SNAP47: variants seen among roughly 807,000 people sequenced by gnomAD.
The protein encoded by SNAP47 is synaptosomal-associated protein 47.
In SNAP47, 20 loss-of-function variants were observed where a neutral mutation model predicts 31.4. That is an observed-to-expected ratio of 0.64 (90% CI 0.45 to 0.93). SNAP47 has a LOEUF of 0.93. Ranked by LOEUF, SNAP47 falls within the 40% of genes least tolerant of loss-of-function variation. The pLI is 0.00. For missense variants in SNAP47, 492 were observed against 528.5 expected, an observed-to-expected ratio of 0.93 and a Z score of 0.68; for synonymous variants, 194 against 213.4, an observed-to-expected ratio of 0.91 and a Z score of 0.79.
chr1:227,731,320 CCTAGA>C (rs1660631151), upstream of SNAP47: 1 of 152,368 alleles, frequency 6.6e-6, no homozygotes, highest in Admixed American at 6.5e-5. Flanking sequence ...GGGCTTCCAT[CCTAGA>C]CAAGTGCCAG....
Position 227,748,147 on chromosome 1 carries a change from G to A in SNAP47, c.411G>A (p.Ala137=), listed in dbSNP as rs377621559. The A allele has an allele frequency of 6.8e-6, 11 of 1,613,794 alleles. No homozygotes were observed. The highest frequency in any genetic ancestry group is 1.7e-4 in the Middle Eastern group (1 of 6,036). ...AGSQKRLEDT[A]RVLHHQGQQL... Reference sequence around the variant, plus strand: ...CCCAGAAACGCCTGGAGGACACGGCGAGGGTCCTGCACCACCAGGGCCAGC... The same window carrying A: ...CCCAGAAACGCCTGGAGGACACGGCAAGGGTCCTGCACCACCAGGGCCAGC... The change falls in exon 2 of 5, where the codon GCG becomes GCA. Residue 137 remains alanine, a synonymous_variant. Coordinates refer to ENST00000617596, the MANE Select transcript of SNAP47 (RefSeq NM_053052.4).
rs1664402334 is a variant in SNAP47, at chr1:227,780,523, C to T, written c.1114-4C>T. The T allele has an allele frequency of 6.2e-7, 1 of 1,613,906 alleles. No individual in the cohort carries two copies. The highest frequency in any genetic ancestry group is 8.5e-7 in the Non-Finnish European group (1 of 1,180,024). ...CTCTGCTGTGATCTTGTGCTTCTCC[C>T]CAGATCCTGAGGAGGATGAAGGGGC... On this transcript the variant is annotated splice_region_variant and splice_polypyrimidine_tract_variant and intron_variant, in intron 4 of 4. Coordinates refer to ENST00000617596, the MANE Select transcript of SNAP47 (RefSeq NM_053052.4).
chr1:227,768,354 T>A, intron 4 of SNAP47: 1 of 985,296 alleles, frequency 1.0e-6, no homozygotes, highest in Non-Finnish European at 1.2e-6. Context: ...CCTGAGCCTC[T>A]GAGTCGGCAG....
upstream of SNAP47, chr1:227,733,096 G>A (rs112034544): frequency 5.8e-5 from 90 of 1,549,660 alleles, no homozygotes; most frequent in African/African-American, 8.8e-4. Context: ...CACATCTCCT[G>A]CGCCAGGAAC....
At chr1:227,779,146 A>G (rs1359111902) in intron 4 of SNAP47, among the ~76,000 whole-genome samples, 1 of 152,046 alleles carries the variant, frequency 6.6e-6, no homozygotes, top group Non-Finnish European at 1.5e-5. Context: ...CGCATTTGTG[A>G]TCTCATGTGA....
upstream of SNAP47, chr1:227,732,696 C>A (rs1391265882): frequency 1.5e-5 from 24 of 1,610,048 alleles, no homozygotes; most frequent in Admixed American, 2.0e-4. Context: ...GGGAAGAGGC[C>A]AGTGAGCTAA....
At chr1:227,734,829 GCA>G (rs763430067), upstream of SNAP47, 49 of 1,613,190 alleles carry the variant, frequency 3.0e-5, no homozygotes, top group Non-Finnish European at 4.0e-5. Flanking sequence ...GAAATGAAAG[GCA>G]CGGTCCATGC....
At position 227,763,792 on chromosome 1, in the gene SNAP47, C is replaced by T. The variant is rs1387575709; in HGVS notation, c.989-3167C>T. On this transcript the variant is annotated intron_variant, in intron 3 of 4. Coordinates refer to ENST00000617596, the MANE Select transcript of SNAP47 (RefSeq NM_053052.4). This position sits in a 1 kb window ranked among gnomAD's most constrained non-coding sequence, Gnocchi z 4.2. ...CCACTAGGCCCAGCAGAGGCCTTTC[C>T]TGGGTGACAGGTGAGTGTTGGAGGC... Among the ~76,000 whole-genome samples the T allele has an allele frequency of 2.6e-5, 4 of 152,202 alleles. No individual in the cohort carries two copies. The highest frequency in any genetic ancestry group is 2.6e-4 in the Admixed American group (4 of 15,274).
At chr1:227,732,958 G>T (rs765975069), upstream of SNAP47, 17 of 1,613,350 alleles carry the variant, frequency 1.1e-5, no homozygotes, top group Middle Eastern at 1.7e-4. Context: ...AGCTCCTGCT[G>T]CAAGAAGCGC....
upstream of SNAP47, chr1:227,733,044 G>T: frequency 6.2e-7 from 1 of 1,613,016 alleles, no homozygotes; most frequent in Non-Finnish European, 8.5e-7. Context: ...GGGGCACAGT[G>T]CAGGCAGGCC....
At chr1:227,728,353 G>T (rs548511207), upstream of SNAP47, among the ~76,000 whole-genome samples, 1 of 152,256 alleles carries the variant, frequency 6.6e-6, no homozygotes, top group South Asian at 2.1e-4. Context: ...CGGAGCGGGG[G>T]GGGCGGGCCC....
At chr1:227,770,288 C>T (rs528533137) in intron 4 of SNAP47, among the ~76,000 whole-genome samples, 4 of 152,276 alleles carry the variant, frequency 2.6e-5, no homozygotes, top group South Asian at 2.1e-4. Context: ...GGTGCTGGGA[C>T]GGGGGTGAGA....
chr1:227,763,493 C>T lies in SNAP47; in HGVS notation c.989-3466C>T, dbSNP rs2102965634. 6.6e-6 allele frequency among the ~76,000 whole-genome samples: 1 copy of T among 152,296 alleles called. No homozygotes were observed. Reference sequence around the variant, plus strand: ...AGAGCATTGGGGTGGCTGAGGTTGTCTCTGCAGTTCGTTAGTGCCAGGCGT... The same window carrying T: ...AGAGCATTGGGGTGGCTGAGGTTGTTTCTGCAGTTCGTTAGTGCCAGGCGT... On this transcript the variant is annotated intron_variant, in intron 3 of 4. Transcript: ENST00000617596. The surrounding 1 kb of genome is among the most constrained non-coding windows in gnomAD (Gnocchi z 4.2).
chr1:227,740,926 G>A (rs569344317), intron 1 of SNAP47, among the ~76,000 whole-genome samples: 44 of 151,748 alleles, frequency 2.9e-4, no homozygotes, highest in Non-Finnish European at 4.4e-4. Flanking sequence ...TGGGGTGCCC[G>A]TTAGGGGTGG....
rs1271974881 is a variant in SNAP47 at position 227,780,789 on chromosome 1, A to T, written c.*116A>T. Reference sequence around the variant, plus strand: ...GCCCTCCGGAGTGGTCTTCCTCTGGATGGGGCTGCTACTGTGGGGCTGCTT... The same window carrying T: ...GCCCTCCGGAGTGGTCTTCCTCTGGTTGGGGCTGCTACTGTGGGGCTGCTT... On this transcript the variant is annotated 3_prime_UTR_variant, in exon 5 of 5. Transcript: ENST00000617596. The T allele has an allele frequency of 9.8e-6, 14 of 1,424,794 alleles. No homozygotes were observed. The East Asian group carries it at 3.1e-4, about 32-fold the overall frequency. The allele number at this position is 1,424,794 out of a possible 1,614,324, so 88.3% of individuals were successfully genotyped here.
At chr1:227,734,751 T>A (rs151008919), upstream of SNAP47, 267 of 1,614,176 alleles carry the variant, frequency 1.7e-4, 2 homozygotes, top group Middle Eastern at 5.0e-3. Flanking sequence ...CTGAGAGTCA[T>A]GTGCTCTTTG....
chr1:227,766,839 A>C, intron 3 of SNAP47, 120 bp from the exon 4 acceptor site: 1 of 1,402,336 alleles, frequency 7.1e-7, no homozygotes, highest in Non-Finnish European at 9.7e-7. Flanking sequence ...GAGAGGAAGC[A>C]GTCCTGCGTG....
chr1:227,731,241 A>G (rs937868084), upstream of SNAP47: 1 of 152,312 alleles, frequency 6.6e-6, no homozygotes, highest in Non-Finnish European at 1.5e-5. Flanking sequence ...CCTACTGTGT[A>G]AAGCTGCCTT....
In SNAP47 at chr1:227,752,158, G is replaced by A. The variant is rs185843101; in HGVS notation, c.497+3925G>A. On this transcript the variant is annotated intron_variant, in intron 2 of 4. Transcript: ENST00000617596. ...TATTTCAGGCATGTGGCTTGGTGAT[G>A]CAGTGTTTGTACCCACTGTGAAGTC... Among the ~76,000 whole-genome samples the A allele has an allele frequency of 2.6e-3, 397 of 152,308 alleles. 2 individuals are homozygous for A. The highest frequency in any genetic ancestry group is 9.3e-3 in the African/African-American group (385 of 41,546).
Sources: allele counts gnomAD v4.1 joint callset (sites outside exome capture counted in the v4.1 genomes callset), GRCh38; gene constraint gnomAD v4.1.1; non-coding constraint Gnocchi (gnomAD v3.1); transcripts MANE v1.5; gene names NCBI Gene and HGNC (gene_info 2026-07-23, HGNC 2026-07-21).